Variants in PCDHGB3 observed in about 807,000 individuals in gnomAD.
PCDHGB3 encodes protocadherin gamma-B3.
PCDHGB3 carries 40 observed loss-of-function variants against 59.2 expected under a neutral mutation model. That is an observed-to-expected ratio of 0.68 (90% confidence interval 0.52 to 0.88). The LOEUF is 0.88. Among genes scored for constraint, PCDHGB3 ranks in the 40% least tolerant of loss-of-function variants. The pLI is 0.00. For synonymous variants in PCDHGB3, 581 were observed against 503.6 expected, an observed-to-expected ratio of 1.15 and a Z score of -2.06; for missense variants, 1,309 against 1,187.9, an observed-to-expected ratio of 1.10 and a Z score of -1.50.
In PCDHGB3 at chr5:141,394,824, G is replaced by C. The variant is rs200702899; in HGVS notation, c.2415+22015G>C. The C allele has an allele frequency of 8.2e-4, 1,326 of 1,613,856 alleles. 15 individuals are homozygous for C. The highest frequency in any genetic ancestry group is 9.3e-4 in the Admixed American group (56 of 60,030). ...AGCCGTGGCTGACAGCATCCCCGAA[G>C]TCCTGACCGAGTTGGGCAGTCTGAA... On this transcript the variant is annotated intron_variant, in intron 1 of 3. Transcript: ENST00000576222.
chr5:141,419,851 C>T, intron 1 of PCDHGB3: 1 of 1,614,062 alleles, frequency 6.2e-7, no homozygotes, highest in Non-Finnish European at 8.5e-7. Context: ...ACCTGGTGTT[C>T]GCAGATAGCT....
At chr5:141,386,430 G>A (rs1257944903) in intron 1 of PCDHGB3, among the ~76,000 whole-genome samples, 2 of 152,116 alleles carry the variant, frequency 1.3e-5, no homozygotes, top group African/African-American at 4.8e-5. Flanking sequence ...TAGCCCACCT[G>A]CATGGGAGGC....
intron 1 of PCDHGB3, among the ~76,000 whole-genome samples, chr5:141,386,628 C>A (rs529516653): frequency 2.0e-5 from 3 of 151,780 alleles, no homozygotes; most frequent in Non-Finnish European, 4.4e-5. Flanking sequence ...CTCGCTCTGT[C>A]ACCCAGGCTG....
chr5:141,374,334 T>G, intron 1 of PCDHGB3: 2 of 1,614,018 alleles, frequency 1.2e-6, no homozygotes, highest in South Asian at 2.2e-5. Flanking sequence ...AACGGCAGCT[T>G]GGTCACCGCG....
At chr5:141,410,142 G>C in intron 1 of PCDHGB3, 1 of 1,612,730 alleles carries the variant, frequency 6.2e-7, no homozygotes, top group African/African-American at 1.3e-5. Context: ...GTCGCTGTGC[G>C]TGACGGTGGA....
chr5:141,419,322 C>T lies in PCDHGB3; in HGVS notation c.2415+46513C>T, dbSNP rs370480327. The stretch of plus-strand genomic sequence containing the variant: ...GACTTCGGGCTCAACGGCCGTGTCT[C>T]CTACTCTCTCATTGCCAGCGACCTG... On this transcript the variant is annotated intron_variant, in intron 1 of 3. Transcript: ENST00000576222. 164 of 1,613,852 alleles carry T rather than the reference C, an allele frequency of 1.0e-4. No individual in the cohort carries two copies. Among genetic ancestry groups the T allele is most frequent in the Non-Finnish European group, 1.3e-4 (153 of 1,179,898 alleles).
chr5:141,492,396 A>G (rs1400291073), intron 1 of PCDHGB3, among the ~76,000 whole-genome samples: 1 of 152,188 alleles, frequency 6.6e-6, no homozygotes, highest in Non-Finnish European at 1.5e-5. Flanking sequence ...GTCCACTCGC[A>G]GCTCCCCTCT....
At chr5:141,450,742 C>A (rs2098692216) in intron 1 of PCDHGB3, among the ~76,000 whole-genome samples, 1 of 152,118 alleles carries the variant, frequency 6.6e-6, no homozygotes, top group South Asian at 2.1e-4. Context: ...CCGCCTTGGC[C>A]TCCCAAAGTG....
chr5:141,502,242 CT>C (rs989546500), intron 2 of PCDHGB3, among the ~76,000 whole-genome samples: 27 of 151,950 alleles, frequency 1.8e-4, no homozygotes, highest in African/African-American at 6.3e-4. Context: ...TTCTTTTATC[CT>C]TTTTTTTAAT....
chr5:141,431,774 G>T lies in PCDHGB3; in HGVS notation c.2415+58965G>T. Reference sequence around the variant, plus strand: ...AGCCAAAGTCCTGATCACTGTTCTGGACGTGAACGACAATGCCCCAGAAGT... The same window carrying T: ...AGCCAAAGTCCTGATCACTGTTCTGTACGTGAACGACAATGCCCCAGAAGT... On this transcript the variant is annotated intron_variant, in intron 1 of 3. Transcript: ENST00000576222. This position sits in a 1 kb window ranked among gnomAD's most constrained non-coding sequence, Gnocchi z 4.8. 5 of 1,614,204 alleles carry T rather than the reference G, an allele frequency of 3.1e-6. No individual in the cohort carries two copies. The highest frequency in any genetic ancestry group is 4.2e-6 in the Non-Finnish European group (5 of 1,180,038).
chr5:141,405,191 C>T (rs573277021), intron 1 of PCDHGB3: 28 of 1,612,832 alleles, frequency 1.7e-5, no homozygotes, highest in South Asian at 1.6e-4. Context: ...AGATGGGGTT[C>T]GAGCTTTCCT....
chr5:141,493,656 T>C lies in PCDHGB3; in HGVS notation c.2416-1151T>C, dbSNP rs1481871984. Among the ~76,000 whole-genome samples, 1 of 152,184 alleles carries C rather than the reference T, an allele frequency of 6.6e-6. No homozygotes were observed. Among genetic ancestry groups the C allele is most frequent in the African/African-American group, 2.4e-5 (1 of 41,454 alleles). ...CTGAGGGCTGGCCATCCCTGTGCCC[T>C]TCTCCATGGCAGCCCCAGAATGGTG... On this transcript the variant is annotated intron_variant, in intron 1 of 3. Coordinates refer to ENST00000576222, the MANE Select transcript of PCDHGB3 (RefSeq NM_018924.5). The surrounding 1 kb of genome is among the most constrained non-coding windows in gnomAD (Gnocchi z 4.3).
chr5:141,497,540 CTT>C (rs754207034), intron 2 of PCDHGB3, among the ~76,000 whole-genome samples: 114 of 134,852 alleles, frequency 8.5e-4, no homozygotes, highest in Middle Eastern at 3.7e-3. Context: ...TGCAACAAAC[CTT>C]TTTTTTTTTT....
chr5:141,404,982 G>GGATTA (rs1244941764), intron 1 of PCDHGB3: 10 of 1,613,938 alleles, frequency 6.2e-6, no homozygotes, highest in Non-Finnish European at 8.5e-6. Context: ...GACCTGGGCA[G>GGATTA]TCTTCAGATC....
rs2095943632 is a variant in PCDHGB3 at position 141,415,767 on chromosome 5, TTTTTTACTTTC to T, written c.2415+42960_2415+42970del. ...TTTTTTTTTTTTTTTTTTTTTTTTT[TTTTTTACTTTC>T]TGGTAAAATTCACCTAGTCTCAATC... is the stretch of plus-strand genomic sequence containing the variant. On this transcript the variant is annotated intron_variant, in intron 1 of 3. Transcript: ENST00000576222. 3.1e-6 allele frequency: 4 copies of T among 1,300,754 alleles called. No individual in the cohort carries two copies. The Admixed American group carries it at 1.4e-4, about 46-fold the overall frequency. The allele number at this position is 1,300,754 out of a possible 1,614,324, so 80.6% of individuals were successfully genotyped here.
At chr5:141,410,216 C>T in intron 1 of PCDHGB3, 1 of 1,614,002 alleles carries the variant, frequency 6.2e-7, no homozygotes, top group Non-Finnish European at 8.5e-7. Flanking sequence ...GCAAGAGATA[C>T]TGCCAGACCT....
chr5:141,399,419 G>A, intron 1 of PCDHGB3: 1 of 1,614,000 alleles, frequency 6.2e-7, no homozygotes, highest in East Asian at 2.2e-5. Flanking sequence ...CTCTCCTCCA[G>A]CATAAGCGTC....
chr5:141,478,920 C>T lies in PCDHGB3; in HGVS notation c.2416-15887C>T, dbSNP rs559060283. On this transcript the variant is annotated intron_variant, in intron 1 of 3. Transcript: ENST00000576222. Reference sequence around the variant, plus strand: ...GGAATAAGCTGCTGGATACCTCTAACCAGTGGCAGCTTCTAGGAATACAAA... The same window carrying T: ...GGAATAAGCTGCTGGATACCTCTAATCAGTGGCAGCTTCTAGGAATACAAA... 608 of 728,392 alleles carry T rather than the reference C, an allele frequency of 8.3e-4. 2 individuals are homozygous for T. The highest frequency in any genetic ancestry group is 1.2e-3 in the South Asian group (55 of 44,196). 45.1% of individuals were successfully genotyped at this position (728,392 alleles called of 1,614,324 possible).
chr5:141,432,561 A>C lies in PCDHGB3; in HGVS notation c.2415+59752A>C, dbSNP rs746684751. On this transcript the variant is annotated intron_variant, in intron 1 of 3. Transcript: ENST00000576222. This position sits in a 1 kb window ranked among gnomAD's most constrained non-coding sequence, Gnocchi z 6.0. Reference sequence around the variant, plus strand: ...GCGGTGGACAGAGACTCCGGCCAGAACGCCTGGCTGTCCTACCGTCTGCTC... The same window carrying C: ...GCGGTGGACAGAGACTCCGGCCAGACCGCCTGGCTGTCCTACCGTCTGCTC... 37 of 1,613,308 alleles carry C rather than the reference A, an allele frequency of 2.3e-5. 1 individual carries two copies. The highest frequency in any genetic ancestry group is 2.7e-5 in the African/African-American group (2 of 74,712).
Sources: gnomAD v4.1 joint callset for allele counts (sites outside exome capture counted in the v4.1 genomes callset) on GRCh38, gnomAD v4.1.1 for gene constraint, Gnocchi (gnomAD v3.1) non-coding constraint, MANE v1.5 for transcripts, NCBI Gene and HGNC (gene_info 2026-07-23, HGNC 2026-07-21) for gene names.